PALM2AKAP2: variants seen among roughly 807,000 people sequenced by gnomAD.
PALM2AKAP2 encodes the protein PALM2-AKAP2 fusion protein.
Under a neutral mutation model 71.5 loss-of-function variants are expected in PALM2AKAP2, and 37 were observed. That is an observed-to-expected ratio of 0.52 (90% CI 0.40 to 0.68). The LOEUF (loss-of-function observed/expected upper bound fraction) is 0.68. Ranked by LOEUF, PALM2AKAP2 falls within the 30% of genes least tolerant of loss-of-function variation. PALM2AKAP2 has a pLI of 0.00. For missense variants in PALM2AKAP2, 1,224 were observed against 1,191.8 expected (o/e 1.03, Z -0.40); for synonymous variants, 468 against 478.8 (o/e 0.98, Z 0.29).
upstream of PALM2AKAP2, among the ~76,000 whole-genome samples, chr9:110,044,215 A>G (rs1266042393): frequency 6.6e-6 from 1 of 152,072 alleles, no homozygotes; most frequent in Non-Finnish European, 1.5e-5. Context: ...GATTACTGCT[A>G]GCTTTTCAGT....
rs1198538795 is a variant in PALM2AKAP2, at chr9:110,135,152, C to CAAAAAAAAAAA, written c.157-972_157-962dup. ...GAGACATGGAGGAACTCTGTCTCTA[C>CAAAAAAAAAAA]AAAAAAAAAAAAATATATAAATATA... On this transcript the variant is annotated intron_variant, in intron 1 of 3. Transcript: ENST00000374525. 7.4e-4 allele frequency among the ~76,000 whole-genome samples: 20 copies of CAAAAAAAAAAA among 27,008 alleles called. 1 individual carries two copies. Among genetic ancestry groups the CAAAAAAAAAAA allele is most frequent in the African/African-American group, 1.3e-3 (9 of 6,704 alleles). The allele number at this position is 27,008 out of a possible 152,430, so 17.7% of individuals were successfully genotyped here.
At chr9:110,026,254 T>C (rs1833181034) in intron 7 of PALM2AKAP2, among the ~76,000 whole-genome samples, 1 of 151,990 alleles carries the variant, frequency 6.6e-6, no homozygotes, top group Non-Finnish European at 1.5e-5. Context: ...TAAATTTTTA[T>C]TTTTTGTAGA....
rs79802446 is a variant in PALM2AKAP2 at position 110,120,371 on chromosome 9, T to C, written c.157-15756T>C. The stretch of plus-strand genomic sequence containing the variant: ...ATTCGGGGTAGAAATGGGGTGCATG[T>C]CAGGGGATGGGGACATTTTATTGGC... On this transcript the variant is annotated intron_variant, in intron 1 of 3. Coordinates refer to ENST00000374525, the Ensembl canonical transcript of PALM2AKAP2. Among the ~76,000 whole-genome samples, 672 of 152,298 alleles carry C rather than the reference T, an allele frequency of 4.4e-3. 3 individuals carry two copies. The highest frequency in any genetic ancestry group is 0.019 in the East Asian group (96 of 5,180).
intron 6 of PALM2AKAP2, among the ~76,000 whole-genome samples, chr9:109,952,408 A>C (rs558780402): frequency 7.2e-5 from 11 of 152,248 alleles, no homozygotes; most frequent in Non-Finnish European, 1.3e-4. Flanking sequence ...GATTAAGTAA[A>C]TGAATCAGTT....
intron 3 of PALM2AKAP2, among the ~76,000 whole-genome samples, chr9:109,905,770 A>C (rs1328310796): frequency 6.6e-6 from 1 of 152,162 alleles, no homozygotes; most frequent in Non-Finnish European, 1.5e-5. Context: ...ATCTTAAATT[A>C]GGGCCTCAAG....
intron 6 of PALM2AKAP2, among the ~76,000 whole-genome samples, chr9:110,007,047 G>A (rs1026408158): frequency 2.0e-5 from 3 of 152,184 alleles, no homozygotes; most frequent in Non-Finnish European, 2.9e-5. Flanking sequence ...TGAGGGGTAG[G>A]GGGTGCTTTG....
intron 6 of PALM2AKAP2, among the ~76,000 whole-genome samples, chr9:109,992,795 G>A (rs1489363474): frequency 6.6e-6 from 1 of 151,950 alleles, no homozygotes; most frequent in Non-Finnish European, 1.5e-5. Flanking sequence ...TATGAGTCCT[G>A]TAGTAAATGA....
At chr9:110,094,213 T>G (rs897807642) in intron 1 of PALM2AKAP2, among the ~76,000 whole-genome samples, 5 of 152,232 alleles carry the variant, frequency 3.3e-5, no homozygotes, top group Non-Finnish European at 1.5e-5. Flanking sequence ...GTGTGTGATC[T>G]GCATCTTTGT....
intron 3 of PALM2AKAP2, among the ~76,000 whole-genome samples, chr9:110,165,284 T>TCACACACACACACA (rs58758256): frequency 7.0e-6 from 1 of 142,270 alleles, no homozygotes; most frequent in African/African-American, 2.6e-5. Flanking sequence ...TGCTAGAGAT[T>TCACACACACACACA]CACACACACA....
chr9:110,096,814 C>A (rs1039711588), intron 1 of PALM2AKAP2, among the ~76,000 whole-genome samples: 1 of 151,742 alleles, frequency 6.6e-6, no homozygotes, highest in Admixed American at 6.6e-5. Context: ...TCCAGGACAG[C>A]AAGTTCATCA....
intron 1 of PALM2AKAP2, among the ~76,000 whole-genome samples, chr9:109,649,343 C>T (rs1026273733): frequency 1.3e-5 from 2 of 151,806 alleles, no homozygotes; most frequent in Non-Finnish European, 2.9e-5. Flanking sequence ...CATTTTTTTC[C>T]TGATGTTCCT....
intron 1 of PALM2AKAP2, among the ~76,000 whole-genome samples, chr9:109,857,310 T>C (rs55932690): frequency 0.035 from 5,387 of 152,326 alleles, 154 homozygotes; most frequent in Non-Finnish European, 0.058. Flanking sequence ...AGAGAAATAT[T>C]TTGCATTTGC....
At chr9:110,161,955 T>C (rs1230948447) in intron 3 of PALM2AKAP2, 139 bp from the exon 10 acceptor site, 9 of 1,057,160 alleles carry the variant, frequency 8.5e-6, no homozygotes, top group Non-Finnish European at 1.3e-5. Context: ...GGAGAAAGTT[T>C]TGGCATGGGT....
chr9:109,827,287 G>T (rs760148983), intron 1 of PALM2AKAP2, among the ~76,000 whole-genome samples: 27 of 152,146 alleles, frequency 1.8e-4, no homozygotes, highest in Non-Finnish European at 3.4e-4. Context: ...CTCAACCCTG[G>T]CTGGGTATCA....
At chr9:110,096,141 G>A (rs10980196) in intron 1 of PALM2AKAP2, among the ~76,000 whole-genome samples, 34,010 of 152,176 alleles carry the variant, frequency 0.22, 5,125 homozygotes, top group African/African-American at 0.42. Flanking sequence ...CATGATTAAT[G>A]TCAGAATCAG....
intron 1 of PALM2AKAP2, among the ~76,000 whole-genome samples, chr9:109,716,324 A>G (rs919122680): frequency 6.6e-6 from 1 of 152,176 alleles, no homozygotes; most frequent in African/African-American, 2.4e-5. Flanking sequence ...GAATCCAGAT[A>G]AATAGATAGA....
At chr9:110,020,664 C>A (rs1378237924) in intron 7 of PALM2AKAP2, among the ~76,000 whole-genome samples, 4 of 150,946 alleles carry the variant, frequency 2.6e-5, no homozygotes, top group Non-Finnish European at 5.9e-5. Context: ...GCCTGCATGA[C>A]CAGAGTGAGA....
chr9:109,801,006 A>G (rs746577168), intron 1 of PALM2AKAP2, among the ~76,000 whole-genome samples: 11 of 152,154 alleles, frequency 7.2e-5, no homozygotes, highest in Non-Finnish European at 1.2e-4. Context: ...TAAAACTTTC[A>G]ATTAGCCCAG....
At chr9:110,008,870 C>T (rs1832828997) in intron 6 of PALM2AKAP2, among the ~76,000 whole-genome samples, 1 of 146,152 alleles carries the variant, frequency 6.8e-6, no homozygotes, top group South Asian at 2.5e-4. Context: ...ACATCTATTA[C>T]TTCTGGGCTG....
Sources: allele counts gnomAD v4.1 joint callset (sites outside exome capture counted in the v4.1 genomes callset), GRCh38; gene constraint gnomAD v4.1.1; transcripts MANE v1.5; gene names NCBI Gene and HGNC (gene_info 2026-07-23, HGNC 2026-07-21).